Variants in AKAP1 observed in about 807,000 individuals in gnomAD.
The protein encoded by AKAP1 is A-kinase anchor protein 1, mitochondrial.
A neutral mutation model predicts 79.8 loss-of-function variants in AKAP1; 32 were observed. That is an observed-to-expected ratio of 0.40 (90% CI 0.30 to 0.54). The LOEUF is 0.54. AKAP1 is among the 20% of genes least tolerant of loss of function. The probability of loss-of-function intolerance (pLI) is 0.47; values close to 1 mark genes in which losing one functional copy is unlikely to be tolerated. For synonymous variants in AKAP1, 416 were observed against 466.7 expected (o/e 0.89, Z 1.40); for missense variants, 961 against 1,138.9 (o/e 0.84, Z 2.25).
intron 1 of AKAP1, chr17:57,093,351 C>G (rs1023598028): frequency 2.0e-5 from 3 of 152,222 alleles, no homozygotes; most frequent in Non-Finnish European, 4.4e-5. Context: ...ATGTGCCCAG[C>G]GAACTTGGCT....
At position 57,092,498 on chromosome 17, in the gene AKAP1, AG is replaced by A. The variant is rs1913844031; in HGVS notation, c.-25+7106del. 5.9e-5 allele frequency: 9 copies of A among 152,338 alleles called. No individual in the cohort carries two copies. The South Asian group carries it at 1.9e-3, about 32-fold the overall frequency. 9.4% of individuals were successfully genotyped at this position (152,338 alleles called of 1,614,324 possible). On this transcript the variant is annotated intron_variant, in intron 1 of 10. Coordinates refer to ENST00000337714, the MANE Select transcript of AKAP1 (RefSeq NM_003488.4). ...GTTCCTTTGAGGGAGCCTGAGAGTA[AG>A]GGGGGCTTATTATCCCTTACCCTTA...
At chr17:57,101,293 G>C (rs1369658979) in intron 1 of AKAP1, among the ~76,000 whole-genome samples, 1 of 152,070 alleles carries the variant, frequency 6.6e-6, no homozygotes, top group African/African-American at 2.4e-5. Context: ...CCGCCTCCCT[G>C]GCTCAAGTGA....
intron 5 of AKAP1, among the ~76,000 whole-genome samples, chr17:57,113,576 C>T (rs981472236): frequency 2.1e-5 from 3 of 141,610 alleles, no homozygotes; most frequent in Admixed American, 7.1e-5. Flanking sequence ...CCAGGAGGCT[C>T]GGTCGTAGAC....
intron 3 of AKAP1, among the ~76,000 whole-genome samples, chr17:57,111,360 A>C (rs1915235976): frequency 6.6e-6 from 1 of 152,108 alleles, no homozygotes; most frequent in Non-Finnish European, 1.5e-5. Flanking sequence ...ATCTGAGTAG[A>C]CTTGAGGGAG....
intron 9 of AKAP1, 34 bp downstream of exon 9, chr17:57,118,488 G>A: frequency 6.2e-7 from 1 of 1,610,576 alleles, no homozygotes; most frequent in African/African-American, 1.3e-5. Context: ...GAGGCAGGCT[G>A]GCTGGGTTCT....
intron 5 of AKAP1, among the ~76,000 whole-genome samples, chr17:57,112,927 G>A (rs1254770125): frequency 1.3e-5 from 2 of 151,682 alleles, no homozygotes; most frequent in African/African-American, 4.8e-5. Context: ...GGTGTAGTTC[G>A]GACAGGAGAT....
intron 8 of AKAP1, among the ~76,000 whole-genome samples, chr17:57,117,318 C>T (rs1915649308): frequency 6.6e-6 from 1 of 152,184 alleles, no homozygotes; most frequent in African/African-American, 2.4e-5. Flanking sequence ...TATCTGGTGT[C>T]TTAGACTATG....
rs886429989 is a variant in AKAP1 at position 57,120,617 on chromosome 17, C to G, written c.*293C>G. ...TAGAAACAGTTTCAACCAGATTGTC[C>G]TATTCCCCCTGTTCCATTCCCCTCT... On this transcript the variant is annotated 3_prime_UTR_variant, in exon 11 of 11. Coordinates refer to ENST00000337714, the MANE Select transcript of AKAP1 (RefSeq NM_003488.4). 3.1e-5 allele frequency: 9 copies of G among 287,860 alleles called. No homozygotes were observed. Among genetic ancestry groups the G allele is most frequent in the African/African-American group, 1.7e-4 (8 of 45,758 alleles). 17.8% of individuals were successfully genotyped at this position (287,860 alleles called of 1,614,324 possible).
In AKAP1 at chr17:57,112,550, A is replaced by G. The variant is rs757861873; in HGVS notation, c.2035A>G (p.Asn679Asp). ...GATTGGGAAGAAGTTCAAAGAGCTG[A>G]ACCTCACCAATATCTACGCTCCCCC... ...NLIGKKFKEL[N>D]LTNIYAPPLP... The change falls in exon 5 of 11, where the codon AAC (asparagine) becomes GAC (aspartate). Residue 679 changes from asparagine to aspartate, a missense_variant. Physicochemically the swap from Asn to Asp is conservative, Grantham distance 23. Transcript: ENST00000337714. The G allele has an allele frequency of 7.4e-6, 12 of 1,614,192 alleles. No homozygotes were observed. The highest frequency in any genetic ancestry group is 9.3e-6 in the Non-Finnish European group (11 of 1,180,022).
At chr17:57,100,811 T>C (rs962168368) in intron 1 of AKAP1, among the ~76,000 whole-genome samples, 3 of 151,724 alleles carry the variant, frequency 2.0e-5, no homozygotes, top group Non-Finnish European at 4.4e-5. Flanking sequence ...GTCCTTACTC[T>C]TTTTTTTTAA....
At chr17:57,113,463 C>G (rs998550483) in intron 5 of AKAP1, among the ~76,000 whole-genome samples, 1 of 151,786 alleles carries the variant, frequency 6.6e-6, no homozygotes, top group African/African-American at 2.4e-5. Context: ...TTTGCAAAGG[C>G]CCTTGGGCTG....
Position 57,120,570 on chromosome 17 carries a change from TAAAA to T in AKAP1, c.*260_*263del, listed in dbSNP as rs5821162. ...TGGCTTATGCTGGTTCTCAGCTGTT[TAAAA>T]AAAAAAAAAAAAAGGAATAGAAACA... On this transcript the variant is annotated 3_prime_UTR_variant, in exon 11 of 11. Coordinates refer to ENST00000337714, the MANE Select transcript of AKAP1 (RefSeq NM_003488.4). 7.7e-4 allele frequency: 171 copies of T among 220,958 alleles called. No homozygotes were observed. The highest frequency in any genetic ancestry group is 1.3e-3 in the South Asian group (9 of 6,686). The allele number at this position is 220,958 out of a possible 1,614,324, so 13.7% of individuals were successfully genotyped here. A position where few individuals can be genotyped will look rare whatever the true frequency, so the allele number is the denominator to read the frequency against.
In AKAP1 at chr17:57,114,767, T is replaced by C. The variant is rs989321390; in HGVS notation, c.2281+131T>C. 4.6e-6 allele frequency: 5 copies of C among 1,095,850 alleles called. No homozygotes were observed. The African/African-American group carries it at 6.3e-5, about 14-fold the overall frequency. The allele number at this position is 1,095,850 out of a possible 1,614,324, so 67.9% of individuals were successfully genotyped here. On this transcript the variant is annotated intron_variant, in intron 6 of 10. Transcript: ENST00000337714. The stretch of plus-strand genomic sequence containing the variant: ...CATCCTTCAATTCTTGCCATTGTTA[T>C]GGAGCTGGGGTGGGTTTCCTGGCAA...
chr17:57,117,252 G>C (rs1178095097), intron 8 of AKAP1, among the ~76,000 whole-genome samples: 1 of 152,208 alleles, frequency 6.6e-6, no homozygotes, highest in Non-Finnish European at 1.5e-5. Flanking sequence ...AGGGCGTGCT[G>C]GTCACTGATA....
At chr17:57,093,368 G>A (rs1346589190) in intron 1 of AKAP1, 1 of 152,188 alleles carries the variant, frequency 6.6e-6, no homozygotes, top group African/African-American at 2.4e-5. Context: ...GGCTCACAGT[G>A]CGTGTTAAAC....
rs1338711538 is a variant in AKAP1, at chr17:57,114,550, C to T, written c.2195C>T (p.Thr732Ile). The T allele has an allele frequency of 6.2e-7, 1 of 1,614,234 alleles. No homozygotes were observed. The highest frequency in any genetic ancestry group is 1.7e-5 in the Admixed American group (1 of 60,034). ...TTCGTGCAGCAGCACACACACCCTACCTTCCACGCGCTGCGCAGCCTCGAC... is the reference window on the plus strand; with the variant it reads ...TTCGTGCAGCAGCACACACACCCTATCTTCCACGCGCTGCGCAGCCTCGAC... ...HLFVQQHTHP[T>I]FHALRSLDQQ... is the part of the protein sequence containing the mutation. The change falls in exon 6 of 11, where the codon ACC becomes ATC. Residue 732 changes from threonine to isoleucine, a missense_variant. Physicochemically the swap from Thr to Ile is moderately conservative, Grantham distance 89. Coordinates refer to ENST00000337714, the MANE Select transcript of AKAP1 (RefSeq NM_003488.4).
Position 57,086,781 on chromosome 17 carries a change from C to T in AKAP1, c.-25+1383C>T, listed in dbSNP as rs3785477. On this transcript the variant is annotated intron_variant, in intron 1 of 10. Transcript: ENST00000337714. This position sits in a 1 kb window ranked among gnomAD's most constrained non-coding sequence, Gnocchi z 5.1. ...TACAAGCTCTTGTAACTGCTAAGTC[C>T]TTCCCAAATTAGTACCTTTTTTTTT... Among the ~76,000 whole-genome samples the T allele has an allele frequency of 0.34, 50,315 of 146,976 alleles. 9,571 individuals carry two copies. Among genetic ancestry groups the T allele is most frequent in the Admixed American group, 0.44 (6,444 of 14,656 alleles).
At chr17:57,107,854 G>A (rs1914991741) in intron 2 of AKAP1, 1 of 810,406 alleles carries the variant, frequency 1.2e-6, no homozygotes, top group African/African-American at 1.8e-5. Flanking sequence ...CCAAAGAACG[G>A]CCACAGCTTT....
At position 57,104,104 on chromosome 17, in the gene AKAP1, C is replaced by T. The variant is rs534074640; in HGVS notation, c.-24-1337C>T. Among the ~76,000 whole-genome samples, 17 of 152,218 alleles carry T rather than the reference C, an allele frequency of 1.1e-4. No individual in the cohort carries two copies. In the South Asian group the frequency reaches 1.2e-3, roughly 11 times the overall value. ...CCTCCTGAGTAGCTGGGATTACAGG[C>T]GCCTGCCACCATGCCCAGCTAATTT... On this transcript the variant is annotated intron_variant, in intron 1 of 10. Transcript: ENST00000337714.
Sources: gnomAD v4.1 joint callset for allele counts (sites outside exome capture counted in the v4.1 genomes callset) on GRCh38, gnomAD v4.1.1 for gene constraint, Gnocchi (gnomAD v3.1) non-coding constraint, MANE v1.5 for transcripts, NCBI Gene and HGNC (gene_info 2026-07-23, HGNC 2026-07-21) for gene names.